Variants in TMEM181 observed in about 807,000 individuals in gnomAD.
The protein encoded by TMEM181 is G protein-coupled receptor 178.
In TMEM181, 39 loss-of-function variants were observed where a neutral mutation model predicts 71.9. The observed-to-expected ratio is 0.54, with a 90% confidence interval of 0.42 to 0.71. The LOEUF is 0.71. Among genes scored for constraint, TMEM181 ranks in the 30% least tolerant of loss-of-function variants. The probability of loss-of-function intolerance (pLI) is 0.00; values close to 1 mark genes in which losing one functional copy is unlikely to be tolerated. For missense variants in TMEM181, 595 were observed against 583.0 expected (o/e 1.02, Z -0.21); for synonymous variants, 245 against 228.8 (o/e 1.07, Z -0.64).
chr6:158,585,235 C>A, intron 4 of TMEM181, 69 bp from the exon 5 acceptor site: 1 of 1,486,286 alleles, frequency 6.7e-7, no homozygotes, highest in Non-Finnish European at 8.9e-7. Context: ...ATTACAGAGC[C>A]AGGAAGGCAC....
rs558713575 is a variant in TMEM181 at position 158,546,686 on chromosome 6, C to T, written c.131+9821C>T. Among the ~76,000 whole-genome samples the T allele has an allele frequency of 2.1e-4, 32 of 152,354 alleles. 1 individual carries two copies. The South Asian group carries it at 4.1e-3, about 20-fold the overall frequency. On this transcript the variant is annotated intron_variant, in intron 1 of 16. Transcript: ENST00000367090. ...TAAAAATACTGATGCCAGCCAGGCG[C>T]GATGGCGCACACCTGTAATCCCAGC...
chr6:158,550,631 C>T (rs967033000), intron 1 of TMEM181, among the ~76,000 whole-genome samples: 1 of 151,278 alleles, frequency 6.6e-6, no homozygotes, highest in Non-Finnish European at 1.5e-5. Flanking sequence ...ACTCTAGCCT[C>T]GTGATAGAGT....
chr6:158,574,921 C>G (rs945110677), intron 2 of TMEM181, among the ~76,000 whole-genome samples: 1 of 152,220 alleles, frequency 6.6e-6, no homozygotes, highest in Non-Finnish European at 1.5e-5. Flanking sequence ...ACTAGGAGAG[C>G]TGATGGAGTA....
intron 10 of TMEM181, among the ~76,000 whole-genome samples, chr6:158,613,927 G>A (rs554194466): frequency 6.6e-6 from 1 of 152,206 alleles, no homozygotes; most frequent in South Asian, 2.1e-4. Flanking sequence ...TGTCCTGTTC[G>A]GATACAATCA....
In TMEM181 at chr6:158,585,349, G is replaced by C; in HGVS notation, c.305G>C (p.Gly102Ala). Reference protein sequence around the residue: ...TSFPMTVKVDGVAQDGTTMYI... With the variant: ...TSFPMTVKVDAVAQDGTTMYI... ...TTTCCCATGACTGTTAAAGTCGATG[G>C]TGTAGCTCAAGATGGAACCACGATG... Residue 102 changes from glycine (G) to alanine (A), a missense_variant, in exon 5 of 17, where the codon GGT becomes GCT. By Grantham distance (60) the Gly-to-Ala change is moderately conservative. Coordinates refer to ENST00000684151, the MANE Select transcript of TMEM181 (RefSeq NM_001376852.1). 1 of 1,610,418 alleles carries C rather than the reference G, an allele frequency of 6.2e-7. No homozygotes were observed. Among genetic ancestry groups the C allele is most frequent in the Non-Finnish European group, 8.5e-7 (1 of 1,179,162 alleles).
chr6:158,565,078 G>A (rs1360401949), intron 1 of TMEM181, among the ~76,000 whole-genome samples: 2 of 152,218 alleles, frequency 1.3e-5, no homozygotes, highest in African/African-American at 4.8e-5. Context: ...GTGTTGCTGG[G>A]TTCTGTAGAA....
intron 10 of TMEM181, among the ~76,000 whole-genome samples, chr6:158,619,816 C>CTGAGA (rs1275729429): frequency 6.9e-6 from 1 of 144,232 alleles, no homozygotes; most frequent in African/African-American, 2.6e-5. Flanking sequence ...TTGCAGTGAG[C>CTGAGA]TGAGATTGCG....
In TMEM181 at chr6:158,585,336, G is replaced by C; in HGVS notation, c.292G>C (p.Val98Leu). The change falls in exon 5 of 17, where the codon GTT becomes CTT. Residue 98 changes from valine to leucine, a missense_variant. Physicochemically the swap from Val to Leu is conservative, Grantham distance 32. Coordinates refer to ENST00000684151, the MANE Select transcript of TMEM181 (RefSeq NM_001376852.1). ...TATTAAGACAAGCTTTCCCATGACT[G>C]TTAAAGTCGATGGTGTAGCTCAAGA... Reference protein sequence around the residue: ...TSIKTSFPMTVKVDGVAQDGT... With the variant: ...TSIKTSFPMTLKVDGVAQDGT... 2.5e-6 allele frequency: 4 copies of C among 1,609,228 alleles called. No individual in the cohort carries two copies. The highest frequency in any genetic ancestry group is 3.4e-6 in the Non-Finnish European group (4 of 1,178,842).
At position 158,560,185 on chromosome 6, in the gene TMEM181, C is replaced by G. The variant is rs1451021049; in HGVS notation, c.-40C>G. ...GCTGCTGCGCGGCGCCTGGCGGGCT[C>G]GGGACGCGCGGGCCGGGGCCGAGGG... On this transcript the variant is annotated 5_prime_UTR_variant, in exon 1 of 17. Coordinates refer to ENST00000684151, the MANE Select transcript of TMEM181 (RefSeq NM_001376852.1). 1.0e-6 allele frequency: 1 copy of G among 984,678 alleles called. No individual in the cohort carries two copies. Among genetic ancestry groups the G allele is most frequent in the African/African-American group, 1.7e-5 (1 of 57,146 alleles). 61.0% of individuals were successfully genotyped at this position (984,678 alleles called of 1,614,324 possible). A position where few individuals can be genotyped will look rare whatever the true frequency, so the allele number is the denominator to read the frequency against.
At chr6:158,579,251 C>T (rs141183896) in intron 2 of TMEM181, among the ~76,000 whole-genome samples, 5 of 141,676 alleles carry the variant, frequency 3.5e-5, no homozygotes, top group African/African-American at 5.4e-5. Context: ...AACAATGAAA[C>T]TCCGTCTCAA....
intron 3 of TMEM181, 35 bp downstream of exon 3, chr6:158,581,030 G>C: frequency 6.3e-7 from 1 of 1,589,152 alleles, no homozygotes; most frequent in South Asian, 1.1e-5. Context: ...TGGGTGGTGG[G>C]GTGCATTATA....
At chr6:158,546,654 G>A (rs1781534565) in intron 1 of TMEM181, among the ~76,000 whole-genome samples, 1 of 152,196 alleles carries the variant, frequency 6.6e-6, no homozygotes, top group Non-Finnish European at 1.5e-5. Flanking sequence ...AATCCCTTAG[G>A]GAGCTTTAAA....
intron 10 of TMEM181, among the ~76,000 whole-genome samples, chr6:158,612,767 G>C (rs1315494541): frequency 6.6e-6 from 1 of 152,200 alleles, no homozygotes; most frequent in Non-Finnish European, 1.5e-5. Flanking sequence ...TGTTATTCCT[G>C]CTGTAAGGAT....
chr6:158,614,789 C>T (rs1427261210), intron 10 of TMEM181, among the ~76,000 whole-genome samples: 1 of 152,194 alleles, frequency 6.6e-6, no homozygotes, highest in Non-Finnish European at 1.5e-5. Flanking sequence ...TTTCCAGCTT[C>T]ATCCATGTCC....
chr6:158,605,873 C>T (rs1012223340), intron 7 of TMEM181, among the ~76,000 whole-genome samples: 6 of 152,124 alleles, frequency 3.9e-5, no homozygotes, highest in African/African-American at 1.4e-4. Flanking sequence ...AAGGGAGCCC[C>T]CCCAGAGCCC....
intron 14 of TMEM181, 46 bp downstream of exon 14, chr6:158,628,536 C>G (rs753430320): frequency 8.4e-6 from 13 of 1,554,786 alleles, no homozygotes; most frequent in Non-Finnish European, 9.7e-6. Context: ...GCCTGCTTAG[C>G]ATTGCAGCAG....
At chr6:158,621,237 C>T (rs539901291) in intron 10 of TMEM181, among the ~76,000 whole-genome samples, 3 of 152,314 alleles carry the variant, frequency 2.0e-5, no homozygotes, top group Admixed American at 6.5e-5. Flanking sequence ...TGTCTGTGCC[C>T]AGCTGTGTTA....
intron 13 of TMEM181, chr6:158,626,676 G>A (rs1583056963): frequency 2.2e-6 from 1 of 457,276 alleles, no homozygotes; most frequent in South Asian, 1.5e-5. Flanking sequence ...AATGCTGCAT[G>A]TGTGTTGTAT....
At position 158,562,285 on chromosome 6, in the gene TMEM181, G is replaced by GA. The variant is rs1340844258; in HGVS notation, c.8+2053_8+2054insA. On this transcript the variant is annotated intron_variant, in intron 1 of 16. Coordinates refer to ENST00000684151, the MANE Select transcript of TMEM181 (RefSeq NM_001376852.1). ...CTCCATTCCTTCTCTGATGATGCTA[G>GA]GGACGGGAGAGGTGCTAGGAGTCTG... Among the ~76,000 whole-genome samples the GA allele has an allele frequency of 2.0e-5, 3 of 152,196 alleles. No homozygotes were observed. The East Asian group carries it at 5.8e-4, about 29-fold the overall frequency.
Sources: gnomAD v4.1 joint callset for allele counts (sites outside exome capture counted in the v4.1 genomes callset) on GRCh38, gnomAD v4.1.1 for gene constraint, MANE v1.5 for transcripts, NCBI Gene and HGNC (gene_info 2026-07-23, HGNC 2026-07-21) for gene names.